Variants in ELP4 observed in about 807,000 individuals in gnomAD.
ELP4 encodes the protein elongator complex protein 4.
ELP4 carries 51 observed loss-of-function variants against 48.9 expected under a neutral mutation model. The observed-to-expected ratio is 1.04, with a 90% CI of 0.83 to 1.32. ELP4 has a LOEUF of 1.32. Ranked by LOEUF, ELP4 falls within the 40% of genes most tolerant of loss-of-function variation. The pLI is 0.00. For synonymous variants in ELP4, 210 were observed against 189.2 expected, an observed-to-expected ratio of 1.11 and a Z score of -0.90; for missense variants, 519 against 514.6, an observed-to-expected ratio of 1.01 and a Z score of -0.08.
At chr11:31,651,905 G>GT (rs1945327378) in intron 9 of ELP4, 1 of 151,698 alleles carries the variant, frequency 6.6e-6, no homozygotes, top group Non-Finnish European at 1.5e-5. Context: ...GTCTTACTGG[G>GT]AGTTGAGGGA....
chr11:31,623,155 G>A (rs1944657046), intron 5 of ELP4, among the ~76,000 whole-genome samples: 1 of 150,322 alleles, frequency 6.7e-6, no homozygotes, highest in Admixed American at 6.7e-5. Context: ...ATTTGATAAC[G>A]TAATCTTTGT....
At chr11:31,598,318 C>G (rs1957713712) in intron 4 of ELP4, among the ~76,000 whole-genome samples, 1 of 151,914 alleles carries the variant, frequency 6.6e-6, no homozygotes, top group South Asian at 2.1e-4. Context: ...ATTTGTTTCT[C>G]TAAAAATACA....
At chr11:31,655,459 A>G (rs1294055107) in intron 9 of ELP4, among the ~76,000 whole-genome samples, 1 of 152,026 alleles carries the variant, frequency 6.6e-6, no homozygotes, top group Admixed American at 6.6e-5. Flanking sequence ...CCAATTAGTG[A>G]ACCCCATAGT....
intron 9 of ELP4, among the ~76,000 whole-genome samples, chr11:31,736,019 T>A (rs1198069787): frequency 6.6e-6 from 1 of 152,128 alleles, no homozygotes; most frequent in Non-Finnish European, 1.5e-5. Context: ...CATTGCCAAG[T>A]CAATCCTAAG....
rs61879765 is a variant in ELP4 at position 31,678,495 on chromosome 11, A to G, written c.1143+28274A>G. On this transcript the variant is annotated intron_variant, in intron 9 of 9. Transcript: ENST00000640961. ...TATTATTTATTGCATACATATATGT[A>G]TGTGTGTGTGTGTGTGTGTGTGTGT... Among the ~76,000 whole-genome samples the G allele has an allele frequency of 1.1e-3, 152 of 137,510 alleles. 1 individual carries two copies. The highest frequency in any genetic ancestry group is 4.1e-3 in the African/African-American group (134 of 32,900). The allele number at this position is 137,510 out of a possible 152,430, so 90.2% of individuals were successfully genotyped here.
At chr11:31,700,677 A>G (rs893944358) in intron 9 of ELP4, among the ~76,000 whole-genome samples, 1 of 152,068 alleles carries the variant, frequency 6.6e-6, no homozygotes, top group South Asian at 2.1e-4. Context: ...AGATAGGGAC[A>G]TGTGTATTCA....
intron 9 of ELP4, among the ~76,000 whole-genome samples, chr11:31,752,855 A>G (rs1485036168): frequency 6.6e-6 from 1 of 150,744 alleles, no homozygotes; most frequent in Admixed American, 6.6e-5. Context: ...AAAAAAAAGA[A>G]CTGGAAAGAA....
chr11:31,675,684 C>T (rs927790505), intron 9 of ELP4, among the ~76,000 whole-genome samples: 2 of 152,142 alleles, frequency 1.3e-5, no homozygotes, highest in African/African-American at 4.8e-5. Context: ...GATACTTATA[C>T]TGTGGAAGTT....
chr11:31,515,043 A>T (rs530190978), intron 1 of ELP4, among the ~76,000 whole-genome samples: 1 of 148,912 alleles, frequency 6.7e-6, no homozygotes, highest in Non-Finnish European at 1.5e-5. Flanking sequence ...GTATATATAT[A>T]TATATATATA....
At chr11:31,691,128 T>A (rs1946271165) in intron 9 of ELP4, among the ~76,000 whole-genome samples, 1 of 152,072 alleles carries the variant, frequency 6.6e-6, no homozygotes, top group African/African-American at 2.4e-5. Context: ...TAAACATGAC[T>A]AAAGATGAAT....
intron 9 of ELP4, among the ~76,000 whole-genome samples, chr11:31,758,776 C>T (rs888340727): frequency 1.3e-5 from 2 of 150,984 alleles, no homozygotes; most frequent in Admixed American, 6.6e-5. Context: ...AAGCAGTTCT[C>T]CCACCTCAGC....
At chr11:31,593,425 G>A (rs1957622046) in intron 3 of ELP4, among the ~76,000 whole-genome samples, 1 of 152,016 alleles carries the variant, frequency 6.6e-6, no homozygotes, top group African/African-American at 2.4e-5. Context: ...TGTATTTTTT[G>A]TAGAGATGGA....
intron 9 of ELP4, among the ~76,000 whole-genome samples, chr11:31,672,003 G>A (rs978150044): frequency 4.6e-5 from 7 of 151,962 alleles, no homozygotes; most frequent in Non-Finnish European, 8.8e-5. Flanking sequence ...CTGGCTTTTG[G>A]CTGCTTAGTG....
At chr11:31,674,538 G>A (rs956357197) in intron 9 of ELP4, among the ~76,000 whole-genome samples, 2 of 152,180 alleles carry the variant, frequency 1.3e-5, no homozygotes, top group African/African-American at 2.4e-5. Flanking sequence ...TATAGAATGA[G>A]TATATTTGGA....
chr11:31,519,482 G>T (rs1194878547), intron 1 of ELP4, among the ~76,000 whole-genome samples: 1 of 152,140 alleles, frequency 6.6e-6, no homozygotes, highest in Non-Finnish European at 1.5e-5. Flanking sequence ...ATGCTGTGTG[G>T]TTCTATCATA....
intron 3 of ELP4, among the ~76,000 whole-genome samples, chr11:31,561,423 G>T (rs1246295941): frequency 1.3e-5 from 2 of 151,726 alleles, no homozygotes; most frequent in Non-Finnish European, 2.9e-5. Context: ...TAATAAATTT[G>T]TTTGAAGAGC....
chr11:31,535,691 A>G (rs1485283564), intron 2 of ELP4, among the ~76,000 whole-genome samples: 1 of 152,320 alleles, frequency 6.6e-6, no homozygotes, highest in African/African-American at 2.4e-5. Flanking sequence ...ATACTCATGC[A>G]GCCACCACCA....
intron 1 of ELP4, among the ~76,000 whole-genome samples, chr11:31,516,302 A>T (rs936559795): frequency 6.6e-6 from 1 of 152,204 alleles, no homozygotes; most frequent in African/African-American, 2.4e-5. Flanking sequence ...TGTCTCTTGT[A>T]TGCTTATATC....
Position 31,538,589 on chromosome 11 carries a change from A to T in ELP4, c.260-1073A>T, listed in dbSNP as rs139564363. The stretch of plus-strand genomic sequence containing the variant: ...ATTGCATCTTATCATGTATGATGAT[A>T]CCTATAGGTTTTTTGTAGATCCCAT... On this transcript the variant is annotated intron_variant, in intron 2 of 9. Coordinates refer to ENST00000640961, the MANE Select transcript of ELP4 (RefSeq NM_019040.5). Among the ~76,000 whole-genome samples, 200 of 151,314 alleles carry T rather than the reference A, an allele frequency of 1.3e-3. 2 individuals carry two copies. The East Asian group carries it at 0.027, about 20-fold the overall frequency.
Sources: gnomAD v4.1 joint callset for allele counts (sites outside exome capture counted in the v4.1 genomes callset) on GRCh38, gnomAD v4.1.1 for gene constraint, MANE v1.5 for transcripts, NCBI Gene and HGNC (gene_info 2026-07-23, HGNC 2026-07-21) for gene names.